The following ASIC2 variants were observed in gnomAD, a reference collection of about 807,000 sequenced individuals.
ASIC2 encodes the protein acid sensing ion channel subunit 2, also known as acid-sensing ion channel 2.
ASIC2 carries 25 observed loss-of-function variants against 57.3 expected under a neutral mutation model. The ratio of observed to expected loss-of-function variants is 0.44; its 90% CI spans 0.32 to 0.61. The LOEUF (loss-of-function observed/expected upper bound fraction) is 0.61. Among genes scored for constraint, ASIC2 ranks in the 20% least tolerant of loss-of-function variants. The pLI is 0.06. For missense variants in ASIC2, 641 were observed against 738.1 expected (o/e 0.87, Z 1.52); for synonymous variants, 319 against 307.5 (o/e 1.04, Z -0.39).
At chr17:33,884,921 C>T (rs149806194) in intron 1 of ASIC2, among the ~76,000 whole-genome samples, 38 of 152,200 alleles carry the variant, frequency 2.5e-4, no homozygotes, top group South Asian at 4.1e-4. Flanking sequence ...TGGGGAGTTC[C>T]GACAAAGTGT....
At chr17:33,799,931 T>C (rs533044381) in intron 1 of ASIC2, among the ~76,000 whole-genome samples, 27 of 152,280 alleles carry the variant, frequency 1.8e-4, no homozygotes, top group Admixed American at 2.6e-4. Flanking sequence ...TTGTACTAAG[T>C]ACAAAACAGG....
At chr17:33,430,493 G>A (rs1546350) in intron 1 of ASIC2, among the ~76,000 whole-genome samples, 11,527 of 152,212 alleles carry the variant, frequency 0.076, 503 homozygotes, top group Middle Eastern at 0.1. Flanking sequence ...CTGACCCTAC[G>A]ATAGGAGTCA....
chr17:33,630,486 G>A (rs530974678), intron 1 of ASIC2, among the ~76,000 whole-genome samples: 7 of 152,212 alleles, frequency 4.6e-5, no homozygotes, highest in East Asian at 1.9e-4. Flanking sequence ...TGTGTGCCCC[G>A]TGGAGATGTC....
rs140791597 is a variant in ASIC2 at position 34,089,972 on chromosome 17, T to G, written c.555+66006A>C. ...GTTCCTGCAGGACAATGTTCTGAAC[T>G]TACTAACCTCACACCTTGGGCCTCT... On this transcript the variant is annotated intron_variant, in intron 1 of 9. Transcript: ENST00000359872. 1.4e-3 allele frequency among the ~76,000 whole-genome samples: 212 copies of G among 152,286 alleles called. 1 individual carries two copies. Among genetic ancestry groups the G allele is most frequent in the African/African-American group, 5.0e-3 (207 of 41,562 alleles).
chr17:33,100,531 T>C (rs895778975), intron 2 of ASIC2, among the ~76,000 whole-genome samples: 2 of 152,228 alleles, frequency 1.3e-5, no homozygotes, highest in Non-Finnish European at 2.9e-5. Flanking sequence ...AGATTCTCAA[T>C]CTATCTTCTA....
At chr17:33,841,488 T>C (rs1369492967) in intron 1 of ASIC2, among the ~76,000 whole-genome samples, 2 of 152,134 alleles carry the variant, frequency 1.3e-5, no homozygotes, top group Non-Finnish European at 2.9e-5. Flanking sequence ...TTACAATGAG[T>C]GCACATCCCA....
intron 1 of ASIC2, among the ~76,000 whole-genome samples, chr17:33,636,121 T>C (rs1288227463): frequency 1.3e-5 from 2 of 152,246 alleles, no homozygotes; most frequent in Non-Finnish European, 2.9e-5. Flanking sequence ...TGTGTATATG[T>C]GTGAATATAT....
chr17:34,049,630 T>C (rs1258598359), intron 1 of ASIC2, among the ~76,000 whole-genome samples: 3 of 152,182 alleles, frequency 2.0e-5, no homozygotes, highest in Non-Finnish European at 4.4e-5. Context: ...GTCATGCACT[T>C]CTAAACTCCA....
At chr17:34,015,237 G>A (rs1451503534) in intron 1 of ASIC2, among the ~76,000 whole-genome samples, 2 of 151,958 alleles carry the variant, frequency 1.3e-5, no homozygotes, top group East Asian at 1.9e-4. Context: ...TTAAGTCTGG[G>A]GCTACAATTT....
At chr17:33,246,017 C>T (rs1047355699) in intron 1 of ASIC2, among the ~76,000 whole-genome samples, 1 of 132,110 alleles carries the variant, frequency 7.6e-6, no homozygotes, top group Non-Finnish European at 1.6e-5. Flanking sequence ...TGAGACCCTC[C>T]CTACCTCTAC....
chr17:34,016,504 G>A (rs1300314134), intron 1 of ASIC2, among the ~76,000 whole-genome samples: 1 of 150,948 alleles, frequency 6.6e-6, no homozygotes, highest in Non-Finnish European at 1.5e-5. Context: ...TTATGAAATA[G>A]GTCCCCAGAT....
chr17:33,029,231 TA>T (rs2091871182), intron 3 of ASIC2, among the ~76,000 whole-genome samples: 1 of 152,230 alleles, frequency 6.6e-6, no homozygotes, highest in African/African-American at 2.4e-5. Context: ...CCAACCAAGA[TA>T]GAGGACATTT....
At chr17:33,086,234 A>G (rs1407341989) in intron 3 of ASIC2, among the ~76,000 whole-genome samples, 1 of 152,234 alleles carries the variant, frequency 6.6e-6, no homozygotes, top group Non-Finnish European at 1.5e-5. Context: ...AGCAGCCTAC[A>G]GAGAACTTCC....
intron 1 of ASIC2, among the ~76,000 whole-genome samples, chr17:33,499,503 G>A (rs959777608): frequency 1.3e-5 from 2 of 152,206 alleles, no homozygotes; most frequent in Non-Finnish European, 2.9e-5. Context: ...ATAAAGCCAA[G>A]GAGGGAGGCA....
At chr17:33,407,746 T>C (rs1234338565) in intron 1 of ASIC2, among the ~76,000 whole-genome samples, 2 of 152,234 alleles carry the variant, frequency 1.3e-5, no homozygotes, top group Non-Finnish European at 2.9e-5. Flanking sequence ...ATAGATTTAA[T>C]GCAAAAACAT....
chr17:33,748,159 G>A (rs1255121593), intron 1 of ASIC2, among the ~76,000 whole-genome samples: 1 of 152,222 alleles, frequency 6.6e-6, no homozygotes, highest in Non-Finnish European at 1.5e-5. Flanking sequence ...CACTCTCTGG[G>A]CAGTTCCTCT....
chr17:33,580,997 C>G (rs1284831661), intron 1 of ASIC2, among the ~76,000 whole-genome samples: 1 of 152,176 alleles, frequency 6.6e-6, no homozygotes, highest in African/African-American at 2.4e-5. Context: ...TCTCTAGGAT[C>G]TTTGAATAGG....
At chr17:33,039,738 G>A (rs1451139401) in intron 3 of ASIC2, among the ~76,000 whole-genome samples, 1 of 152,154 alleles carries the variant, frequency 6.6e-6, no homozygotes, top group Non-Finnish European at 1.5e-5. Context: ...AGAGGGAGTT[G>A]GAGGAGGGGG....
intron 1 of ASIC2, among the ~76,000 whole-genome samples, chr17:34,035,606 C>T (rs1351778287): frequency 2.6e-5 from 4 of 152,010 alleles, no homozygotes; most frequent in Admixed American, 2.6e-4. Flanking sequence ...ACCTACAGAA[C>T]AGGAAAAAAT....
Sources: gnomAD v4.1 joint callset for allele counts (sites outside exome capture counted in the v4.1 genomes callset) on GRCh38, gnomAD v4.1.1 for gene constraint, MANE v1.5 for transcripts, NCBI Gene and HGNC (gene_info 2026-07-23, HGNC 2026-07-21) for gene names.